Variants in NLGN4X observed in about 807,000 individuals in gnomAD.
The protein encoded by NLGN4X is neuroligin-4, X-linked.
In NLGN4X, 3 loss-of-function variants were observed where a neutral mutation model predicts 40.3. That is an observed-to-expected ratio of 0.07 (90% CI 0.03 to 0.19). The LOEUF (loss-of-function observed/expected upper bound fraction) is 0.19, where lower values mean the gene tolerates loss of function less well. NLGN4X is among the 10% of genes least tolerant of loss of function. The pLI, the probability that NLGN4X is intolerant of heterozygous loss-of-function variation, is 1.00. For missense variants in NLGN4X, 382 were observed against 708.3 expected (o/e 0.54, Z 5.23); for synonymous variants, 270 against 306.8 (o/e 0.88, Z 1.25).
At chrX:6,225,748 A>G (rs12862811) in intron 1 of NLGN4X, among the ~76,000 whole-genome samples, 4 of 68,208 alleles carry the variant, frequency 5.9e-5, no homozygotes, top group Admixed American at 2.3e-4. Flanking sequence ...CATCACCGGA[A>G]GGGCTGATTC....
Position 5,892,903 on chromosome X carries a change from T to A in NLGN4X, c.2365A>T (p.Met789Leu), listed in dbSNP as rs1261678121. ...GTGTTAAAAGTGTGCAAAGGCTGCA[T>A]CCCCGTCAGTGTGTTTGGAATCATG... Reference protein sequence around the residue: ...ITMIPNTLTGMQPLHTFNTFS... With the variant: ...ITMIPNTLTGLQPLHTFNTFS... Residue 789 changes from methionine to leucine, a missense_variant, in exon 6 of 6, where the codon ATG (methionine) becomes TTG (leucine). Physicochemically the swap from Met to Leu is conservative, Grantham distance 15. Coordinates refer to ENST00000381095, the MANE Select transcript of NLGN4X (RefSeq NM_181332.3). The A allele has an allele frequency of 8.3e-7, 1 of 1,211,451 alleles. No homozygotes were observed.
chrX:6,067,305 C>A (rs908632887), intron 2 of NLGN4X, among the ~76,000 whole-genome samples: 4 of 110,463 alleles, frequency 3.6e-5, no homozygotes, highest in Admixed American at 9.7e-5. Context: ...TTCAGAGATG[C>A]CCTTTCTCCT....
At chrX:6,092,386 G>A (rs2038662393) in intron 2 of NLGN4X, among the ~76,000 whole-genome samples, 1 of 112,005 alleles carries the variant, frequency 8.9e-6, no homozygotes, top group Non-Finnish European at 1.9e-5. Context: ...ACAAGGGGCT[G>A]GGGCCAGAAA....
At chrX:6,204,907 A>T (rs1222615873) in intron 1 of NLGN4X, among the ~76,000 whole-genome samples, 2 of 111,697 alleles carry the variant, frequency 1.8e-5, no homozygotes, top group Admixed American at 1.9e-4. Context: ...AATGGATGGG[A>T]ATTAACCCCA....
chrX:6,074,617 C>A (rs1218500945), intron 2 of NLGN4X, among the ~76,000 whole-genome samples: 1 of 111,683 alleles, frequency 9.0e-6, no homozygotes, highest in Non-Finnish European at 1.9e-5. Flanking sequence ...TGAGTTTGTG[C>A]CATTGTCGTA....
chrX:6,205,500 C>A (rs557384541), intron 1 of NLGN4X, among the ~76,000 whole-genome samples: 7 of 112,470 alleles, frequency 6.2e-5, no homozygotes, highest in African/African-American at 2.3e-4. Context: ...GATCTCTTCC[C>A]AGATAAGAAA....
intron 2 of NLGN4X, among the ~76,000 whole-genome samples, chrX:6,140,385 G>T (rs1279780777): frequency 2.8e-5 from 3 of 108,774 alleles, no homozygotes; most frequent in Non-Finnish European, 1.9e-5. Flanking sequence ...CCAGAAAATT[G>T]TAACATGTTT....
intron 1 of NLGN4X, among the ~76,000 whole-genome samples, chrX:6,220,414 G>A (rs926758112): frequency 6.1e-5 from 6 of 97,704 alleles, no homozygotes; most frequent in Admixed American, 2.4e-4. Flanking sequence ...TGAGTTTAGC[G>A]TTGGTAAAGG....
intron 3 of NLGN4X, among the ~76,000 whole-genome samples, chrX:5,989,015 C>T (rs1261990631): frequency 7.3e-5 from 8 of 109,243 alleles, no homozygotes; most frequent in Admixed American, 2.9e-4. Context: ...TTATAGTGAG[C>T]CGTGATCATG....
intron 1 of NLGN4X, among the ~76,000 whole-genome samples, chrX:6,214,817 T>C (rs766762476): frequency 8.9e-6 from 1 of 112,286 alleles, no homozygotes; most frequent in African/African-American, 3.2e-5. Context: ...AAAGATCTTA[T>C]CCTTTCTTAA....
chrX:6,066,695 G>T (rs2037925356), intron 2 of NLGN4X, among the ~76,000 whole-genome samples: 2 of 112,205 alleles, frequency 1.8e-5, no homozygotes, highest in Non-Finnish European at 3.8e-5. Context: ...TGAGGCAGGA[G>T]AATCGCGTGA....
intron 2 of NLGN4X, among the ~76,000 whole-genome samples, chrX:6,037,875 T>G (rs17306048): frequency 0.43 from 47,321 of 110,181 alleles, 7,580 homozygotes; most frequent in Admixed American, 0.5. Context: ...CAATGCAATA[T>G]CCCCAGCTCT....
intron 3 of NLGN4X, among the ~76,000 whole-genome samples, chrX:5,927,766 T>A (rs1237323925): frequency 1.8e-5 from 2 of 112,316 alleles, no homozygotes; most frequent in African/African-American, 6.5e-5. Flanking sequence ...CTTGACTAAG[T>A]CTTCCACCAC....
At chrX:6,037,795 T>C (rs954927211) in intron 2 of NLGN4X, among the ~76,000 whole-genome samples, 2 of 110,692 alleles carry the variant, frequency 1.8e-5, no homozygotes, top group African/African-American at 6.6e-5. Flanking sequence ...TTCCTGGCTA[T>C]CACAGATGTG....
intron 2 of NLGN4X, among the ~76,000 whole-genome samples, chrX:6,080,778 A>C (rs1480357000): frequency 9.0e-6 from 1 of 111,716 alleles, no homozygotes; most frequent in Non-Finnish European, 1.9e-5. Context: ...TAAAGACCTA[A>C]ATGTGACAAA....
At chrX:6,136,862 G>C (rs1357799641) in intron 2 of NLGN4X, among the ~76,000 whole-genome samples, 1 of 112,167 alleles carries the variant, frequency 8.9e-6, no homozygotes, top group African/African-American at 3.2e-5. Flanking sequence ...ATAGCCTAAA[G>C]GCTAAAAATG....
intron 5 of NLGN4X, 98 bp downstream of exon 5, chrX:5,902,969 TGTGTGTATGC>T: frequency 1.1e-6 from 1 of 870,098 alleles, no homozygotes; most frequent in Non-Finnish European, 1.7e-6. Flanking sequence ...CATGTGTATG[TGTGTGTATGC>T]GTGTGTGCTC....
At chrX:6,223,235 T>G (rs1183555540) in intron 1 of NLGN4X, among the ~76,000 whole-genome samples, 1 of 110,489 alleles carries the variant, frequency 9.1e-6, no homozygotes, top group East Asian at 2.8e-4. Flanking sequence ...AGGTACCATT[T>G]CTGGGAAGAT....
intron 1 of NLGN4X, among the ~76,000 whole-genome samples, chrX:6,172,157 C>A (rs937277175): frequency 2.5e-4 from 28 of 111,624 alleles, no homozygotes; most frequent in African/African-American, 7.8e-4. Context: ...TATATCAATG[C>A]AAGAACGGCC....
Sources: gnomAD v4.1 joint callset for allele counts (sites outside exome capture counted in the v4.1 genomes callset) on GRCh38, gnomAD v4.1.1 for gene constraint, MANE v1.5 for transcripts, NCBI Gene and HGNC (gene_info 2026-07-23, HGNC 2026-07-21) for gene names.